Variants in OPN5 observed in about 807,000 individuals in gnomAD.
OPN5 encodes the protein opsin 5.
Under a neutral mutation model 41.7 loss-of-function variants are expected in OPN5, and 18 were observed. The ratio of observed to expected loss-of-function variants is 0.43; its 90% CI spans 0.30 to 0.64. The LOEUF (loss-of-function observed/expected upper bound fraction) is 0.64. Among genes scored for constraint, OPN5 ranks in the 30% least tolerant of loss-of-function variants. The pLI is 0.13. For synonymous variants in OPN5, 178 were observed against 164.3 expected (o/e 1.08, Z -0.64); for missense variants, 318 against 434.5 (o/e 0.73, Z 2.38).
intron 4 of OPN5, among the ~76,000 whole-genome samples, chr6:47,800,737 C>G (rs549920013): frequency 3.6e-4 from 55 of 152,240 alleles, no homozygotes; most frequent in Admixed American, 7.2e-4. Flanking sequence ...CACCCAATCC[C>G]AGGAATAATT....
intron 3 of OPN5, chr6:47,794,921 T>A (rs1773493336): frequency 3.7e-6 from 1 of 273,360 alleles, no homozygotes. Flanking sequence ...AGATGTTTTC[T>A]CAAGGGCCTC....
chr6:47,782,214 T>C lies in OPN5; in HGVS notation c.130+18T>C, dbSNP rs779176459. ...AATAATTGGTAAGCTTCCTTAATTC[T>C]TCTGTGCAAAGGCTGCATTTAGAAA... On this transcript the variant is annotated intron_variant, in intron 1 of 6. Coordinates refer to ENST00000371211, the Ensembl canonical transcript of OPN5. 2.5e-6 allele frequency: 4 copies of C among 1,611,428 alleles called. No individual in the cohort carries two copies. In the South Asian group the frequency reaches 4.4e-5, roughly 18 times the overall value.
At chr6:47,803,854 A>G (rs1264194542) in intron 4 of OPN5, among the ~76,000 whole-genome samples, 1 of 152,178 alleles carries the variant, frequency 6.6e-6, no homozygotes, top group African/African-American at 2.4e-5. Flanking sequence ...CATGACTGGT[A>G]TCATGGAGTT....
intron 6 of OPN5, among the ~76,000 whole-genome samples, chr6:47,819,368 G>A (rs1268597574): frequency 2.9e-4 from 10 of 35,016 alleles, no homozygotes; most frequent in Admixed American, 8.4e-4. Context: ...ATATATTACC[G>A]TATAAGTAGA....
intron 4 of OPN5, among the ~76,000 whole-genome samples, chr6:47,807,495 CTG>C (rs1159153261): frequency 6.6e-6 from 1 of 152,106 alleles, no homozygotes; most frequent in Admixed American, 6.5e-5. Flanking sequence ...ATTCTTTGGT[CTG>C]AAAATAAAGA....
chr6:47,811,406 G>A (rs1461373419), intron 5 of OPN5, among the ~76,000 whole-genome samples: 1 of 152,100 alleles, frequency 6.6e-6, no homozygotes, highest in African/African-American at 2.4e-5. Context: ...GTGCAATTAA[G>A]TTTGTTCTGG....
chr6:47,813,068 A>AAACAACAACAACAAC (rs70999651), intron 6 of OPN5, among the ~76,000 whole-genome samples: 2 of 139,066 alleles, frequency 1.4e-5, no homozygotes, highest in African/African-American at 5.1e-5. Flanking sequence ...TCTATGATTA[A>AAACAACAACAACAAC]AACAACAACA....
intron 3 of OPN5, among the ~76,000 whole-genome samples, chr6:47,794,578 C>T (rs764907100): frequency 2.0e-5 from 3 of 152,220 alleles, no homozygotes; most frequent in Non-Finnish European, 2.9e-5. Context: ...AAAATATCTT[C>T]ACAGAATTAC....
chr6:47,782,070 G>A lies in OPN5; in HGVS notation c.4G>A (p.Ala2Thr), dbSNP rs568177905. 1,591 of 1,613,308 alleles carry A rather than the reference G, an allele frequency of 9.9e-4. 34 individuals are homozygous for A. The South Asian group carries it at 0.017, about 17-fold the overall frequency. ...TCCCTCGTGGTTCGAGAACAGAATGGCGTTAAATCACACTGCCCTGCCTCA... is the reference window on the plus strand; with the variant it reads ...TCCCTCGTGGTTCGAGAACAGAATGACGTTAAATCACACTGCCCTGCCTCA... The change falls in exon 1 of 7, where the codon GCG (alanine) becomes ACG (threonine). Residue 2 changes from alanine to threonine, a missense_variant. Ala to Thr is a moderately conservative substitution (Grantham distance 58, BLOSUM62 0). Transcript: ENST00000371211.
intron 1 of OPN5, among the ~76,000 whole-genome samples, chr6:47,784,740 A>G (rs868005889): frequency 2.6e-5 from 4 of 152,300 alleles, no homozygotes; most frequent in Middle Eastern, 3.4e-3. Context: ...GACATAAATT[A>G]CAAACCCATT....
At chr6:47,796,287 A>G (rs1419539230) in intron 4 of OPN5, among the ~76,000 whole-genome samples, 1 of 152,208 alleles carries the variant, frequency 6.6e-6, no homozygotes, top group Non-Finnish European at 1.5e-5. Context: ...TACGGTGGGA[A>G]TTCAAAGAGA....
At chr6:47,804,540 A>G (rs938164528) in intron 4 of OPN5, among the ~76,000 whole-genome samples, 2 of 152,218 alleles carry the variant, frequency 1.3e-5, no homozygotes, top group Non-Finnish European at 2.9e-5. Context: ...TTCGTGGCCT[A>G]TATCTTAAAA....
rs1773537447 is a variant in OPN5 at position 47,795,757 on chromosome 6, T to A, written c.756+194T>A. ...CTTTCTGTCTCTGTACCCCCACTTC[T>A]CTCTTCTCTCTCTCTCTCTCTCACA... On this transcript the variant is annotated intron_variant, in intron 4 of 6. Transcript: ENST00000371211. Among the ~76,000 whole-genome samples the A allele has an allele frequency of 2.3e-5, 3 of 132,940 alleles. No homozygotes were observed. In the South Asian group the frequency reaches 7.6e-4, roughly 33 times the overall value. 87.2% of individuals were successfully genotyped at this position (132,940 alleles called of 152,430 possible). A position where few individuals can be genotyped will look rare whatever the true frequency, so the allele number is the denominator to read the frequency against.
intron 6 of OPN5, among the ~76,000 whole-genome samples, chr6:47,817,841 C>T (rs1037573205): frequency 6.6e-6 from 1 of 152,050 alleles, no homozygotes; most frequent in African/African-American, 2.4e-5. Flanking sequence ...GGGACACTCT[C>T]TAAGGTATGT....
At chr6:47,813,113 C>CAACAACAAAAAA (rs1341179581) in intron 6 of OPN5, among the ~76,000 whole-genome samples, 3 of 114,576 alleles carry the variant, frequency 2.6e-5, no homozygotes, top group Admixed American at 8.2e-5. Flanking sequence ...ACAACAACAA[C>CAACAACAAAAAA]AAGCAACAAC....
At chr6:47,803,236 G>A (rs1319993399) in intron 4 of OPN5, among the ~76,000 whole-genome samples, 1 of 152,140 alleles carries the variant, frequency 6.6e-6, no homozygotes, top group Non-Finnish European at 1.5e-5. Context: ...TGTATGTGAA[G>A]GAACCAAAGA....
chr6:47,825,288 G>T (rs1433200264), downstream of OPN5: 2 of 152,148 alleles, frequency 1.3e-5, no homozygotes, highest in Non-Finnish European at 2.9e-5. Flanking sequence ...ACCTTTAATT[G>T]GGCATAATAA....
At chr6:47,790,401 CTCTT>C (rs1284020835) in intron 2 of OPN5, among the ~76,000 whole-genome samples, 1 of 146,832 alleles carries the variant, frequency 6.8e-6, no homozygotes, top group Non-Finnish European at 1.5e-5. Flanking sequence ...CACTCTCTCT[CTCTT>C]TCTCTCTCTC....
intron 4 of OPN5, among the ~76,000 whole-genome samples, chr6:47,795,778 T>TCTCACACACACA (rs766899041): frequency 8.4e-5 from 12 of 142,890 alleles, no homozygotes; most frequent in African/African-American, 3.0e-4. Context: ...TCTCTCTCTC[T>TCTCACACACACA]CACACACACA....
Sources: gnomAD v4.1 joint callset for allele counts (sites outside exome capture counted in the v4.1 genomes callset) on GRCh38, gnomAD v4.1.1 for gene constraint, MANE v1.5 for transcripts, NCBI Gene and HGNC (gene_info 2026-07-23, HGNC 2026-07-21) for gene names.